SUCLG2: variants seen among roughly 807,000 people sequenced by gnomAD.
SUCLG2 encodes succinate--CoA ligase [GDP-forming] subunit beta, mitochondrial.
Under a neutral mutation model 47.9 loss-of-function variants are expected in SUCLG2, and 42 were observed. That is an observed-to-expected ratio of 0.88 (90% CI 0.69 to 1.14). SUCLG2 has a LOEUF of 1.14. Among genes scored for constraint, SUCLG2 ranks in the 50% most tolerant of loss-of-function variants. The pLI is 0.00. For missense variants in SUCLG2, 571 were observed against 525.9 expected (o/e 1.09, Z -0.84); for synonymous variants, 195 against 197.3 (o/e 0.99, Z 0.10).
intron 5 of SUCLG2, among the ~76,000 whole-genome samples, chr3:67,520,155 C>A (rs1706055052): frequency 1.3e-5 from 2 of 151,874 alleles, no homozygotes; most frequent in African/African-American, 2.4e-5. Flanking sequence ...AGAGAGTTAA[C>A]CATAAGAAAT....
intron 2 of SUCLG2, among the ~76,000 whole-genome samples, chr3:67,566,611 G>A (rs1045124005): frequency 6.6e-6 from 1 of 151,994 alleles, no homozygotes; most frequent in Non-Finnish European, 1.5e-5. Flanking sequence ...TTCTTAACCG[G>A]CTTTATGGTG....
intron 2 of SUCLG2, among the ~76,000 whole-genome samples, chr3:67,564,794 C>T (rs1707408914): frequency 6.6e-6 from 1 of 152,134 alleles, no homozygotes; most frequent in Non-Finnish European, 1.5e-5. Flanking sequence ...CCCAAGGAAG[C>T]CAAAAGACTG....
chr3:67,457,639 G>C (rs1355811780), intron 9 of SUCLG2, among the ~76,000 whole-genome samples: 1 of 113,148 alleles, frequency 8.8e-6, no homozygotes. Context: ...TATATAAATT[G>C]TTTTCCATCT....
intron 9 of SUCLG2, among the ~76,000 whole-genome samples, chr3:67,442,278 G>A (rs943804546): frequency 2.0e-5 from 3 of 152,134 alleles, no homozygotes; most frequent in African/African-American, 7.2e-5. Flanking sequence ...CCAAAGTGCT[G>A]GGATTACAGG....
chr3:67,625,649 G>A (rs2107342628), intron 1 of SUCLG2, among the ~76,000 whole-genome samples: 1 of 152,258 alleles, frequency 6.6e-6, no homozygotes, highest in African/African-American at 2.4e-5. Flanking sequence ...AGACATGAAA[G>A]CTACTCACCT....
chr3:67,366,564 T>C (rs1701878022), intron 10 of SUCLG2, among the ~76,000 whole-genome samples: 1 of 152,154 alleles, frequency 6.6e-6, no homozygotes, highest in South Asian at 2.1e-4. Context: ...CTTAATCAGC[T>C]ACATTTTCCA....
intron 2 of SUCLG2, among the ~76,000 whole-genome samples, chr3:67,592,844 GTATAGAAAAACCCACAATGTAATTAT>G (rs1708201918): frequency 6.6e-6 from 1 of 151,516 alleles, no homozygotes; most frequent in Admixed American, 6.6e-5. Context: ...TCACGATACT[GTATAGAAAAACCCACAATGTAATTAT>G]AAACTGTAAA....
chr3:67,449,554 C>CT (rs67128516), intron 9 of SUCLG2, among the ~76,000 whole-genome samples: 97,750 of 147,912 alleles, frequency 0.66, 32,493 homozygotes, highest in South Asian at 0.75. Flanking sequence ...ATACCTCTGC[C>CT]TTTTTTTTTT....
At chr3:67,627,162 T>C (rs990321101) in intron 1 of SUCLG2, among the ~76,000 whole-genome samples, 3 of 152,006 alleles carry the variant, frequency 2.0e-5, no homozygotes, top group Non-Finnish European at 4.4e-5. Flanking sequence ...GTTCTCGATA[T>C]ATGCTTTATT....
At chr3:67,628,793 T>A (rs1018017434) in intron 1 of SUCLG2, among the ~76,000 whole-genome samples, 2 of 152,216 alleles carry the variant, frequency 1.3e-5, no homozygotes, top group Non-Finnish European at 2.9e-5. Context: ...GTGAGTCCAC[T>A]AAACCTCTTT....
chr3:67,615,552 TCAAA>T (rs1559597901), intron 1 of SUCLG2, among the ~76,000 whole-genome samples: 1 of 148,358 alleles, frequency 6.7e-6, no homozygotes, highest in Non-Finnish European at 1.5e-5. Context: ...AAATAGAAAC[TCAAA>T]CAAAACGGAA....
At chr3:67,620,776 C>T (rs1389339182) in intron 1 of SUCLG2, among the ~76,000 whole-genome samples, 1 of 151,904 alleles carries the variant, frequency 6.6e-6, no homozygotes, top group Non-Finnish European at 1.5e-5. Context: ...CCAGCATGTT[C>T]CAAGGCTCTG....
At chr3:67,480,259 C>T (rs1704878508) in intron 9 of SUCLG2, among the ~76,000 whole-genome samples, 1 of 152,088 alleles carries the variant, frequency 6.6e-6, no homozygotes, top group Non-Finnish European at 1.5e-5. Context: ...GGGAAGGATG[C>T]TAAAGTAACT....
At chr3:67,646,638 C>T (rs191726310) in intron 1 of SUCLG2, among the ~76,000 whole-genome samples, 17 of 150,928 alleles carry the variant, frequency 1.1e-4, no homozygotes, top group Admixed American at 9.9e-4. Flanking sequence ...TTCAGAGACA[C>T]TGAAATGTGA....
At chr3:67,444,236 A>T (rs2106920439) in intron 9 of SUCLG2, among the ~76,000 whole-genome samples, 1 of 39,246 alleles carries the variant, frequency 2.5e-5, no homozygotes, top group African/African-American at 9.5e-5. Flanking sequence ...CCCTACTGGG[A>T]AGTGAGGAGC....
At chr3:67,453,877 A>C (rs146814633) in intron 9 of SUCLG2, among the ~76,000 whole-genome samples, 1 of 152,310 alleles carries the variant, frequency 6.6e-6, no homozygotes, top group East Asian at 1.9e-4. Context: ...GTATGCCAGA[A>C]ATATATCTAG....
chr3:67,389,294 G>T (rs1304973454), intron 10 of SUCLG2, among the ~76,000 whole-genome samples: 1 of 152,042 alleles, frequency 6.6e-6, no homozygotes, highest in Non-Finnish European at 1.5e-5. Flanking sequence ...AGAGAGCGTG[G>T]GAGAGGATCA....
chr3:67,406,146 G>A (rs1702802307), intron 9 of SUCLG2, among the ~76,000 whole-genome samples: 1 of 152,140 alleles, frequency 6.6e-6, no homozygotes, highest in South Asian at 2.1e-4. Context: ...AACAAATTGT[G>A]CCAAATTAGG....
chr3:67,530,197 T>A (rs1706364265), intron 2 of SUCLG2, among the ~76,000 whole-genome samples: 1 of 152,174 alleles, frequency 6.6e-6, no homozygotes, highest in Non-Finnish European at 1.5e-5. Context: ...CTGGCCTTCA[T>A]CCCTCACCCA....
Sources: allele counts gnomAD v4.1 joint callset (sites outside exome capture counted in the v4.1 genomes callset), GRCh38; gene constraint gnomAD v4.1.1; transcripts MANE v1.5; gene names NCBI Gene and HGNC (gene_info 2026-07-23, HGNC 2026-07-21).